The following PDZRN4 variants were observed in gnomAD, a reference collection of about 807,000 sequenced individuals.
The protein encoded by PDZRN4 is PDZ domain-containing RING finger protein 4.
In PDZRN4, 70 loss-of-function variants were observed where a neutral mutation model predicts 99.0. The ratio of observed to expected loss-of-function variants is 0.71; its 90% CI spans 0.58 to 0.86. PDZRN4 has a LOEUF of 0.86. PDZRN4 is among the 40% of genes least tolerant of loss of function. PDZRN4 has a pLI of 0.00. For missense variants in PDZRN4, 1,474 were observed against 1,331.2 expected (o/e 1.11, Z -1.67); for synonymous variants, 551 against 501.6 (o/e 1.10, Z -1.32).
At chr12:41,345,622 G>A (rs1951847623) in intron 3 of PDZRN4, among the ~76,000 whole-genome samples, 2 of 152,112 alleles carry the variant, frequency 1.3e-5, no homozygotes, top group Admixed American at 6.6e-5. Flanking sequence ...TATCTTCTCA[G>A]TTGCTTTTAA....
intron 3 of PDZRN4, among the ~76,000 whole-genome samples, chr12:41,318,723 T>G (rs1314596574): frequency 1.3e-5 from 2 of 152,172 alleles, no homozygotes; most frequent in Non-Finnish European, 2.9e-5. Context: ...ATCACCTCCC[T>G]TCCCTTCCCA....
At chr12:41,461,125 C>T (rs1017996507) in intron 3 of PDZRN4, among the ~76,000 whole-genome samples, 2 of 152,046 alleles carry the variant, frequency 1.3e-5, no homozygotes, top group African/African-American at 2.4e-5. Flanking sequence ...AGGGACTCCA[C>T]GTGATTCTAC....
chr12:41,351,446 C>T (rs1362431395), intron 3 of PDZRN4, among the ~76,000 whole-genome samples: 2 of 151,914 alleles, frequency 1.3e-5, no homozygotes, highest in Non-Finnish European at 2.9e-5. Flanking sequence ...GGGTAATTTA[C>T]AAAGAAAAGA....
chr12:41,338,273 T>C (rs1201734810), intron 3 of PDZRN4, among the ~76,000 whole-genome samples: 1 of 152,156 alleles, frequency 6.6e-6, no homozygotes, highest in African/African-American at 2.4e-5. Context: ...AATTAATTAA[T>C]TCATTCATTC....
intron 3 of PDZRN4, among the ~76,000 whole-genome samples, chr12:41,470,482 G>A (rs188530621): frequency 1.8e-4 from 24 of 130,910 alleles, no homozygotes; most frequent in African/African-American, 6.1e-4. Context: ...ATTCCCTGTG[G>A]CTTCACTTCC....
chr12:41,346,164 A>T (rs1347114085), intron 3 of PDZRN4, among the ~76,000 whole-genome samples: 1 of 152,128 alleles, frequency 6.6e-6, no homozygotes, highest in Non-Finnish European at 1.5e-5. Context: ...TATGAACTAT[A>T]TTTGGTTTAT....
intron 3 of PDZRN4, among the ~76,000 whole-genome samples, chr12:41,303,082 C>A (rs1208634571): frequency 6.6e-6 from 1 of 151,980 alleles, no homozygotes; most frequent in Non-Finnish European, 1.5e-5. Flanking sequence ...TGAGCCGTGG[C>A]ACACATGATC....
chr12:41,292,810 A>G (rs886993266), intron 3 of PDZRN4, among the ~76,000 whole-genome samples: 3 of 152,136 alleles, frequency 2.0e-5, no homozygotes, highest in Non-Finnish European at 2.9e-5. Context: ...AGAGTTGTGC[A>G]TCACACCATT....
rs1404134729 is a variant in PDZRN4, at chr12:41,447,193, C to T, written c.844-59263C>T. Among the ~76,000 whole-genome samples the T allele has an allele frequency of 2.6e-5, 4 of 152,068 alleles. 1 individual carries two copies. Among genetic ancestry groups the T allele is most frequent in the Non-Finnish European group, 5.9e-5 (4 of 67,984 alleles). ...TACTTTAGTTAAAAGAGCTCAGCCA[C>T]GCTAACTTGACCTACAATAGGTAGA... On this transcript the variant is annotated intron_variant, in intron 3 of 9. Coordinates refer to ENST00000402685, the MANE Select transcript of PDZRN4 (RefSeq NM_001164595.2).
chr12:41,393,171 A>G (rs1199445890), intron 3 of PDZRN4, among the ~76,000 whole-genome samples: 1 of 152,188 alleles, frequency 6.6e-6, no homozygotes. Flanking sequence ...AGTATTTAGA[A>G]GTAGTACTTT....
At chr12:41,291,087 A>T (rs1185316821) in intron 3 of PDZRN4, among the ~76,000 whole-genome samples, 1 of 152,146 alleles carries the variant, frequency 6.6e-6, no homozygotes, top group Non-Finnish European at 1.5e-5. Context: ...TGGAACTTAT[A>T]AAACACTTTC....
intron 3 of PDZRN4, among the ~76,000 whole-genome samples, chr12:41,254,180 G>GA (rs563099707): frequency 1.3e-5 from 2 of 151,226 alleles, no homozygotes; most frequent in African/African-American, 4.9e-5. Context: ...AAGGAAAAAG[G>GA]AAAAAAAAGT....
chr12:41,200,436 A>G (rs891701569), intron 3 of PDZRN4, among the ~76,000 whole-genome samples: 2 of 152,130 alleles, frequency 1.3e-5, no homozygotes, highest in Non-Finnish European at 2.9e-5. Flanking sequence ...AGATCCTTAT[A>G]CCATTGAGTG....
intron 3 of PDZRN4, among the ~76,000 whole-genome samples, chr12:41,297,589 G>T (rs1951504621): frequency 6.6e-6 from 1 of 152,140 alleles, no homozygotes. Context: ...GGCCTAAAAG[G>T]TGCTAGGACA....
chr12:41,220,708 T>G (rs1322598103), intron 3 of PDZRN4, among the ~76,000 whole-genome samples: 1 of 152,044 alleles, frequency 6.6e-6, no homozygotes, highest in African/African-American at 2.4e-5. Context: ...AAAGGCTAAG[T>G]AAGTGGAATG....
intron 9 of PDZRN4, among the ~76,000 whole-genome samples, chr12:41,569,028 C>A (rs1411048115): frequency 6.6e-6 from 1 of 151,738 alleles, no homozygotes; most frequent in Admixed American, 6.6e-5. Flanking sequence ...TGGTCTTAAA[C>A]TCTGACCTCG....
At chr12:41,234,037 T>C (rs1362085104) in intron 3 of PDZRN4, among the ~76,000 whole-genome samples, 1 of 152,036 alleles carries the variant, frequency 6.6e-6, no homozygotes, top group Non-Finnish European at 1.5e-5. Flanking sequence ...ATTGGCCCTT[T>C]GAGGAATATT....
At chr12:41,374,061 C>T (rs969923204) in intron 3 of PDZRN4, among the ~76,000 whole-genome samples, 2 of 152,112 alleles carry the variant, frequency 1.3e-5, no homozygotes, top group Admixed American at 6.6e-5. Flanking sequence ...GGGACTTATG[C>T]TTGAACACAA....
intron 3 of PDZRN4, among the ~76,000 whole-genome samples, chr12:41,336,778 G>C (rs1565555411): frequency 6.6e-6 from 1 of 152,054 alleles, no homozygotes; most frequent in Non-Finnish European, 1.5e-5. Context: ...ATGGAATCAT[G>C]GGGGTCGCTG....
Sources: allele counts gnomAD v4.1 joint callset (sites outside exome capture counted in the v4.1 genomes callset), GRCh38; gene constraint gnomAD v4.1.1; transcripts MANE v1.5; gene names NCBI Gene and HGNC (gene_info 2026-07-23, HGNC 2026-07-21).